Variants in NIPAL2 observed in about 807,000 individuals in gnomAD.
NIPAL2 encodes NIPA-like protein 2.
In NIPAL2, 43 loss-of-function variants were observed where a neutral mutation model predicts 48.9. The observed-to-expected ratio is 0.88, with a 90% confidence interval of 0.69 to 1.13. The LOEUF (loss-of-function observed/expected upper bound fraction) is 1.13. NIPAL2 is among the 50% of genes most tolerant of loss of function. NIPAL2 has a pLI of 0.00. For missense variants in NIPAL2, 446 were observed against 461.4 expected (o/e 0.97, Z 0.31); for synonymous variants, 167 against 174.6 (o/e 0.96, Z 0.34).
chr8:98,233,740 A>G (rs548782755), intron 4 of NIPAL2, among the ~76,000 whole-genome samples: 1 of 152,188 alleles, frequency 6.6e-6, no homozygotes, highest in African/African-American at 2.4e-5. Context: ...TGATATTTTT[A>G]TTTCTTCCTT....
chr8:98,260,899 G>C (rs1203285298), intron 1 of NIPAL2, among the ~76,000 whole-genome samples: 1 of 151,190 alleles, frequency 6.6e-6, no homozygotes, highest in Non-Finnish European at 1.5e-5. Flanking sequence ...TTTGAAGAGA[G>C]CAGTGGTTCT....
intron 4 of NIPAL2, among the ~76,000 whole-genome samples, chr8:98,224,373 T>A (rs6982456): frequency 0.27 from 41,450 of 152,066 alleles, 5,839 homozygotes; most frequent in African/African-American, 0.33. Context: ...TTATATAAAC[T>A]TTTTTGTATC....
chr8:98,195,150 A>G (rs59525475), intron 9 of NIPAL2, among the ~76,000 whole-genome samples: 1,557 of 152,336 alleles, frequency 0.01, 27 homozygotes, highest in African/African-American at 0.036. Context: ...AAGAGAAAAA[A>G]TAATTTATTC....
rs897961638 is a variant in NIPAL2, at chr8:98,281,118, T to A, written c.135+12885A>T. Among the ~76,000 whole-genome samples, 14 of 151,698 alleles carry A rather than the reference T, an allele frequency of 9.2e-5. 1 individual carries two copies. Among genetic ancestry groups the A allele is most frequent in the African/African-American group, 2.2e-4 (9 of 41,322 alleles). On this transcript the variant is annotated intron_variant, in intron 1 of 10. Transcript: ENST00000430223. ...GGCACTGCTTGAGAAAAACACACTA[T>A]GTAGAGGGAAAGGACATGAAATGAA...
chr8:98,202,531 C>A lies in NIPAL2; in HGVS notation c.880+577G>T, dbSNP rs562529431. On this transcript the variant is annotated intron_variant, in intron 8 of 10. Coordinates refer to ENST00000430223, the MANE Select transcript of NIPAL2 (RefSeq NM_001321635.2). ...TGTCAGTACTGAGTTCATATGAGATCTGGTTGTTAAAGAGACTGGGACCTA... is the reference window on the plus strand; with the variant it reads ...TGTCAGTACTGAGTTCATATGAGATATGGTTGTTAAAGAGACTGGGACCTA... Among the ~76,000 whole-genome samples the A allele has an allele frequency of 5.9e-5, 9 of 152,198 alleles. 1 individual carries two copies. The South Asian group carries it at 1.9e-3, about 32-fold the overall frequency.
chr8:98,222,706 C>T (rs1256492958), intron 4 of NIPAL2, 106 bp from the exon 5 acceptor site: 7 of 1,107,154 alleles, frequency 6.3e-6, no homozygotes, highest in Non-Finnish European at 9.2e-6. Context: ...GTGCCAATCG[C>T]CCCTCCCTAT....
chr8:98,195,747 A>G (rs1461837956), intron 9 of NIPAL2, 195 bp downstream of exon 9: 2 of 457,554 alleles, frequency 4.4e-6, no homozygotes, highest in African/African-American at 4.1e-5. Flanking sequence ...CAGCAGAGAT[A>G]TACCTAAGTC....
intron 8 of NIPAL2, among the ~76,000 whole-genome samples, chr8:98,199,736 G>T (rs1810718954): frequency 6.6e-6 from 1 of 152,138 alleles, no homozygotes; most frequent in African/African-American, 2.4e-5. Context: ...AGGACATGCT[G>T]TTGGAAAAAT....
chr8:98,201,563 A>C (rs1188518101), intron 8 of NIPAL2, among the ~76,000 whole-genome samples: 1 of 151,736 alleles, frequency 6.6e-6, no homozygotes, highest in East Asian at 1.9e-4. Flanking sequence ...TTTCCCCCTA[A>C]TTTGTTAGAG....
rs192634624 is a variant in NIPAL2 at position 98,275,642 on chromosome 8, G to T, written c.135+18361C>A. On this transcript the variant is annotated intron_variant, in intron 1 of 10. Transcript: ENST00000430223. ...GAAAGTGTAATTGCTGGTTTGTGTG[G>T]TAAGTCCATTTTTAGTTTTGAAAGG... Among the ~76,000 whole-genome samples the T allele has an allele frequency of 3.4e-3, 519 of 152,272 alleles. 1 individual carries two copies. Among genetic ancestry groups the T allele is most frequent in the African/African-American group, 0.012 (490 of 41,570 alleles).
intron 3 of NIPAL2, among the ~76,000 whole-genome samples, chr8:98,238,477 A>G (rs1812828428): frequency 6.6e-6 from 1 of 152,238 alleles, no homozygotes; most frequent in South Asian, 2.1e-4. Flanking sequence ...TGTTGGTATA[A>G]TAATCCATTA....
intron 4 of NIPAL2, among the ~76,000 whole-genome samples, chr8:98,223,463 G>A (rs996485122): frequency 2.6e-5 from 4 of 152,118 alleles, no homozygotes; most frequent in Non-Finnish European, 5.9e-5. Context: ...CGTGGTATAA[G>A]TAGCATATTT....
Position 98,205,115 on chromosome 8 carries a change from C to G in NIPAL2, c.787G>C (p.Val263Leu). ...IIMIASCVFQ[V>L]KFLNQATKLY... is the part of the protein sequence containing the mutation. ...AGTATGCAGAAGCTAACTTACTTGA[C>G]TTGGAAAACACAAGATGCTATCATG... is the stretch of plus-strand genomic sequence containing the variant. Residue 263 changes from valine to leucine, a missense_variant, in exon 7 of 11, where the codon GTC becomes CTC. Coordinates refer to ENST00000430223, the MANE Select transcript of NIPAL2 (RefSeq NM_001321635.2). 1.2e-6 allele frequency: 2 copies of G among 1,613,504 alleles called. No individual in the cohort carries two copies. The highest frequency in any genetic ancestry group is 8.5e-7 in the Non-Finnish European group (1 of 1,179,850).
At chr8:98,221,855 C>G (rs1392943815) in intron 5 of NIPAL2, among the ~76,000 whole-genome samples, 1 of 152,188 alleles carries the variant, frequency 6.6e-6, no homozygotes, top group Non-Finnish European at 1.5e-5. Context: ...ATTAGTTCAA[C>G]CGTTGTGGAA....
intron 3 of NIPAL2, among the ~76,000 whole-genome samples, chr8:98,238,370 G>T (rs1812822116): frequency 1.3e-5 from 2 of 152,150 alleles, no homozygotes; most frequent in African/African-American, 4.8e-5. Flanking sequence ...CTTCAGTTGA[G>T]ATCAAACTTT....
chr8:98,249,507 TATGTCATAC>T (rs1440615929), intron 3 of NIPAL2, among the ~76,000 whole-genome samples: 1 of 151,254 alleles, frequency 6.6e-6, no homozygotes, highest in Admixed American at 6.6e-5. Context: ...ACATGTCATA[TATGTCATAC>T]GTATATACAT....
At chr8:98,214,563 C>CT (rs11421143) in intron 5 of NIPAL2, among the ~76,000 whole-genome samples, 20,264 of 149,226 alleles carry the variant, frequency 0.14, 1,435 homozygotes, top group Non-Finnish European at 0.16. Context: ...AATTTTTTTT[C>CT]TTTTTTTTTT....
chr8:98,294,230 C>T lies in NIPAL2; in HGVS notation c.-93G>A. 1.7e-6 allele frequency: 2 copies of T among 1,181,634 alleles called. No homozygotes were observed. Among genetic ancestry groups the T allele is most frequent in the Non-Finnish European group, 2.1e-6 (2 of 956,502 alleles). 73.2% of individuals were successfully genotyped at this position (1,181,634 alleles called of 1,614,324 possible). ...GAGGAGGCCGCGCCGCAGCCACTTC[C>T]TGCTCGGTGCCCGGGCGAGGCGGGC... On this transcript the variant is annotated 5_prime_UTR_variant, in exon 1 of 11. Coordinates refer to ENST00000430223, the MANE Select transcript of NIPAL2 (RefSeq NM_001321635.2).
chr8:98,235,012 A>T (rs1203226475), intron 4 of NIPAL2, among the ~76,000 whole-genome samples: 1 of 152,230 alleles, frequency 6.6e-6, no homozygotes, highest in Non-Finnish European at 1.5e-5. Context: ...GACAATGTTG[A>T]CTAAAAACTC....
Sources: allele counts gnomAD v4.1 joint callset (sites outside exome capture counted in the v4.1 genomes callset), GRCh38; gene constraint gnomAD v4.1.1; transcripts MANE v1.5; gene names NCBI Gene and HGNC (gene_info 2026-07-23, HGNC 2026-07-21).